MEP1A: variants seen among roughly 807,000 people sequenced by gnomAD.
The protein encoded by MEP1A is meprin A subunit alpha, also known as N-benzoyl-L-tyrosyl-P-amino-benzoic acid hydrolase subunit alpha.
In MEP1A, 68 loss-of-function variants were observed where a neutral mutation model predicts 84.5. The ratio of observed to expected loss-of-function variants is 0.80; its 90% CI spans 0.66 to 0.98. The LOEUF is 0.98. Among genes scored for constraint, MEP1A ranks in the 50% least tolerant of loss-of-function variants. The pLI is 0.00. For missense variants in MEP1A, 887 were observed against 919.9 expected (o/e 0.96, Z 0.46); for synonymous variants, 337 against 336.8 (o/e 1.00, Z -0.01).
At chr6:46,818,496 G>T (rs948267885) in intron 6 of MEP1A, among the ~76,000 whole-genome samples, 1 of 152,150 alleles carries the variant, frequency 6.6e-6, no homozygotes, top group Non-Finnish European at 1.5e-5. Flanking sequence ...GAGACAATTT[G>T]TGGAAAGCTT....
At chr6:46,810,435 A>T (rs995846119) in intron 6 of MEP1A, among the ~76,000 whole-genome samples, 1 of 152,046 alleles carries the variant, frequency 6.6e-6, no homozygotes, top group Non-Finnish European at 1.5e-5. Flanking sequence ...AACTCTGCTG[A>T]TTATTTCTTT....
chr6:46,797,052 A>G (rs938013577), intron 3 of MEP1A, among the ~76,000 whole-genome samples: 1 of 152,236 alleles, frequency 6.6e-6, no homozygotes, highest in Non-Finnish European at 1.5e-5. Flanking sequence ...GAGGAAGGGA[A>G]TGATACAGGG....
In MEP1A at chr6:46,832,978, T is replaced by C; in HGVS notation, c.1145-96T>C. The stretch of plus-strand genomic sequence containing the variant: ...GGGCTGTTGTGAGGATTTAATGAGA[T>C]AATTTATGGAAAGCACATGGCACTG... On this transcript the variant is annotated intron_variant, in intron 10 of 13. Transcript: ENST00000230588. The C allele has an allele frequency of 4.4e-6, 3 of 680,414 alleles. No homozygotes were observed. In the South Asian group the frequency reaches 7.8e-5, roughly 18 times the overall value. The allele number at this position is 680,414 out of a possible 1,614,324, so 42.1% of individuals were successfully genotyped here. A position where few individuals can be genotyped will look rare whatever the true frequency, so the allele number is the denominator to read the frequency against.
intron 3 of MEP1A, among the ~76,000 whole-genome samples, chr6:46,794,756 T>C (rs796690385): frequency 3.3e-5 from 5 of 152,234 alleles, no homozygotes; most frequent in African/African-American, 1.2e-4. Flanking sequence ...CTAAAATATC[T>C]CTCTTTAGAG....
intron 6 of MEP1A, among the ~76,000 whole-genome samples, chr6:46,809,822 A>G (rs1306195429): frequency 7.1e-6 from 1 of 141,372 alleles, no homozygotes; most frequent in Non-Finnish European, 1.5e-5. Context: ...GTATATATAT[A>G]TATATTTTAC....
At chr6:46,843,202 T>C (rs994018617), downstream of MEP1A, among the ~76,000 whole-genome samples, 1 of 152,228 alleles carries the variant, frequency 6.6e-6, no homozygotes, top group African/African-American at 2.4e-5. Flanking sequence ...GGCCTCTACT[T>C]ACTGGATGCT....
intron 6 of MEP1A, among the ~76,000 whole-genome samples, chr6:46,817,089 C>A (rs138855503): frequency 4.4e-4 from 67 of 152,106 alleles, no homozygotes; most frequent in African/African-American, 1.4e-3. Flanking sequence ...GGTACCTACA[C>A]CAAGGAAGAG....
intron 5 of MEP1A, among the ~76,000 whole-genome samples, chr6:46,801,969 T>C (rs147252974): frequency 5.5e-4 from 83 of 152,130 alleles, no homozygotes; most frequent in African/African-American, 1.9e-3. Flanking sequence ...TTGTTTATCA[T>C]CATGTCAAAA....
Position 46,835,414 on chromosome 6 carries a change from G to C in MEP1A, c.1949G>C (p.Arg650Pro), listed in dbSNP as rs372102824. ...AGCCTGAGCCAGGGGCAGCCCAGCCGACAGAAGCGGTCGGTGGAGAACACA... is the reference window on the plus strand; with the variant it reads ...AGCCTGAGCCAGGGGCAGCCCAGCCCACAGAAGCGGTCGGTGGAGAACACA... The part of the protein sequence containing the change: ...PVSLSQGQPS[R>P]QKRSVENTGP... The change falls in exon 13 of 14, where the codon CGA becomes CCA. Residue 650 changes from arginine to proline, a missense_variant. By Grantham distance (103) the Arg-to-Pro change is moderately radical. Transcript: ENST00000230588. 1 of 1,612,202 alleles carries C rather than the reference G, an allele frequency of 6.2e-7. No individual in the cohort carries two copies. Among genetic ancestry groups the C allele is most frequent in the Admixed American group, 1.7e-5 (1 of 59,772 alleles).
At chr6:46,814,032 C>T (rs191703897) in intron 6 of MEP1A, among the ~76,000 whole-genome samples, 60 of 152,168 alleles carry the variant, frequency 3.9e-4, no homozygotes, top group Admixed American at 3.8e-3. Flanking sequence ...TGTGCCTAGG[C>T]GATGATCTTT....
At chr6:46,837,456 A>G (rs897286175) in intron 13 of MEP1A, among the ~76,000 whole-genome samples, 9 of 152,026 alleles carry the variant, frequency 5.9e-5, no homozygotes, top group African/African-American at 2.2e-4. Flanking sequence ...TTCCTGCCCC[A>G]CCCATAGAAT....
At chr6:46,801,186 G>A (rs1325045963) in intron 5 of MEP1A, among the ~76,000 whole-genome samples, 3 of 152,114 alleles carry the variant, frequency 2.0e-5, no homozygotes, top group Non-Finnish European at 4.4e-5. Flanking sequence ...AACTATGTAA[G>A]AAAACGCCAA....
chr6:46,816,928 A>T lies in MEP1A; in HGVS notation c.381-2601A>T, dbSNP rs565501661. Reference sequence around the variant, plus strand: ...GTGATGGAGAGCCATGTGTGAGGGAACCTATTGTTTGGTGCAAGGTTCATT... The same window carrying T: ...GTGATGGAGAGCCATGTGTGAGGGATCCTATTGTTTGGTGCAAGGTTCATT... On this transcript the variant is annotated intron_variant, in intron 6 of 13. Transcript: ENST00000230588. 1.8e-4 allele frequency among the ~76,000 whole-genome samples: 28 copies of T among 152,178 alleles called. No individual in the cohort carries two copies. In the East Asian group the frequency reaches 5.4e-3, roughly 29 times the overall value.
At chr6:46,823,159 A>T (rs1767822020) in intron 7 of MEP1A, among the ~76,000 whole-genome samples, 2 of 152,224 alleles carry the variant, frequency 1.3e-5, no homozygotes, top group South Asian at 4.1e-4. Flanking sequence ...TTAAAGCAAG[A>T]TATTGCTCAA....
intron 6 of MEP1A, among the ~76,000 whole-genome samples, chr6:46,811,040 T>C (rs1767487346): frequency 6.6e-6 from 1 of 151,960 alleles, no homozygotes. Context: ...TGTATAGAAT[T>C]TGTAGATTGC....
rs1213074613 is a variant in MEP1A at position 46,819,603 on chromosome 6, T to C, written c.455T>C (p.Ile152Thr). 6.2e-7 allele frequency: 1 copy of C among 1,614,070 alleles called. No individual in the cohort carries two copies. The highest frequency in any genetic ancestry group is 1.7e-5 in the Admixed American group (1 of 60,020). ...SIGQGCAYKA[I>T]IEHEILHALG... ...GGCCAAGGATGTGCCTATAAGGCCA[T>C]CATAGAACACGAGATCCTGCATGCT... is the stretch of plus-strand genomic sequence containing the variant. The change falls in exon 7 of 14, where the codon ATC (isoleucine) becomes ACC (threonine). Residue 152 changes from isoleucine (I) to threonine (T), a missense_variant. By Grantham distance (89) the Ile-to-Thr change is moderately conservative (BLOSUM62 -1). Transcript: ENST00000230588.
At chr6:46,820,314 A>C (rs1168027035) in intron 7 of MEP1A, among the ~76,000 whole-genome samples, 1 of 152,162 alleles carries the variant, frequency 6.6e-6, no homozygotes, top group Non-Finnish European at 1.5e-5. Context: ...CCTCCACCTC[A>C]TACAATGCAA....
intron 6 of MEP1A, among the ~76,000 whole-genome samples, chr6:46,816,558 G>A (rs1375029013): frequency 6.6e-6 from 1 of 151,950 alleles, no homozygotes; most frequent in African/African-American, 2.4e-5. Flanking sequence ...GAGGGAAAGG[G>A]TGAGGAGGAG....
intron 5 of MEP1A, among the ~76,000 whole-genome samples, chr6:46,807,836 A>AAAGAAAGG (rs1179106341): frequency 5.3e-5 from 6 of 113,746 alleles, no homozygotes; most frequent in African/African-American, 1.2e-4. Context: ...AGAAAGAAAG[A>AAAGAAAGG]AAGGAAGAAA....
Sources: gnomAD v4.1 joint callset for allele counts (sites outside exome capture counted in the v4.1 genomes callset) on GRCh38, gnomAD v4.1.1 for gene constraint, MANE v1.5 for transcripts, NCBI Gene and HGNC (gene_info 2026-07-23, HGNC 2026-07-21) for gene names.